The following SHC3 variants were observed in gnomAD, a reference collection of about 807,000 sequenced individuals.
SHC3 encodes SHC adaptor protein 3.
Under a neutral mutation model 60.4 loss-of-function variants are expected in SHC3, and 15 were observed. The ratio of observed to expected loss-of-function variants is 0.25; its 90% confidence interval spans 0.17 to 0.38. The LOEUF (loss-of-function observed/expected upper bound fraction) is 0.38, where lower values mean the gene tolerates loss of function less well. Among genes scored for constraint, SHC3 ranks in the 10% least tolerant of loss-of-function variants. SHC3 has a pLI of 1.00. For synonymous variants in SHC3, 294 were observed against 325.9 expected (o/e 0.90, Z 1.05); for missense variants, 677 against 786.1 (o/e 0.86, Z 1.66).
chr9:89,123,106 G>A (rs1826115646), intron 1 of SHC3, among the ~76,000 whole-genome samples: 1 of 152,144 alleles, frequency 6.6e-6, no homozygotes, highest in South Asian at 2.1e-4. Flanking sequence ...TATTGCACAT[G>A]CATGGGCTAT....
At chr9:89,045,179 C>G (rs1265049772) in intron 9 of SHC3, among the ~76,000 whole-genome samples, 1 of 151,852 alleles carries the variant, frequency 6.6e-6, no homozygotes, top group Admixed American at 6.6e-5. Flanking sequence ...TGTACAGTCT[C>G]AAGGGCATGA....
rs758200854 is a variant in SHC3, at chr9:89,013,401, G to C, written c.*46C>G. ...GCAGCCCCGATTCTAGTCCACTCCA[G>C]GTCCTCCTGACCTGGTGCGCAGTGC... On this transcript the variant is annotated 3_prime_UTR_variant, in exon 12 of 12. Transcript: ENST00000375835. The C allele has an allele frequency of 1.4e-6, 2 of 1,450,666 alleles. No individual in the cohort carries two copies. The highest frequency in any genetic ancestry group is 2.3e-5 in the Admixed American group (1 of 43,670). 89.9% of individuals were successfully genotyped at this position (1,450,666 alleles called of 1,614,324 possible). A position where few individuals can be genotyped will look rare whatever the true frequency, so the allele number is the denominator to read the frequency against.
intron 3 of SHC3, among the ~76,000 whole-genome samples, 182 bp downstream of exon 3, chr9:89,077,658 C>G (rs1825380277): frequency 6.6e-6 from 1 of 152,236 alleles, no homozygotes; most frequent in Non-Finnish European, 1.5e-5. Flanking sequence ...GAGACAGGGA[C>G]AGCTAACTGT....
At chr9:89,152,821 C>A (rs922273310) in intron 1 of SHC3, among the ~76,000 whole-genome samples, 1 of 152,136 alleles carries the variant, frequency 6.6e-6, no homozygotes, top group African/African-American at 2.4e-5. Context: ...CTAAATAATA[C>A]CTTGAATTGA....
intron 4 of SHC3, 40 bp from the exon 5 acceptor site, chr9:89,071,292 G>A (rs752686679): frequency 1.3e-5 from 21 of 1,607,246 alleles, no homozygotes; most frequent in Middle Eastern, 1.6e-4. Context: ...TGCTGTTATC[G>A]CCCTTTCCAC....
At chr9:89,117,213 A>G (rs1826030809) in intron 1 of SHC3, among the ~76,000 whole-genome samples, 6 of 152,178 alleles carry the variant, frequency 3.9e-5, no homozygotes, top group Admixed American at 2.0e-4. Flanking sequence ...ACCAGCACCA[A>G]CGTCGCAGAC....
intron 2 of SHC3, among the ~76,000 whole-genome samples, chr9:89,080,406 C>A (rs1369693955): frequency 6.6e-6 from 1 of 152,146 alleles, no homozygotes; most frequent in African/African-American, 2.4e-5. Context: ...CAGATGTGAA[C>A]CCTCATTGTC....
intron 2 of SHC3, among the ~76,000 whole-genome samples, chr9:89,082,001 C>T (rs1825451965): frequency 6.6e-6 from 1 of 151,870 alleles, no homozygotes; most frequent in African/African-American, 2.4e-5. Context: ...TTTGGCCAGG[C>T]TGGTAGTACC....
At chr9:89,156,622 TG>T (rs1319895861) in intron 1 of SHC3, among the ~76,000 whole-genome samples, 1 of 152,164 alleles carries the variant, frequency 6.6e-6, no homozygotes, top group African/African-American at 2.4e-5. Context: ...TTTGGTTCCC[TG>T]TAAAAACCAA....
At chr9:89,016,682 T>C (rs1193543236) in intron 11 of SHC3, among the ~76,000 whole-genome samples, 1 of 152,184 alleles carries the variant, frequency 6.6e-6, no homozygotes, top group Non-Finnish European at 1.5e-5. Context: ...AAGCCAGCAT[T>C]ACCTGAATAC....
At chr9:89,056,312 T>C in intron 6 of SHC3, among the ~76,000 whole-genome samples, 1 of 152,186 alleles carries the variant, frequency 6.6e-6, no homozygotes, top group Non-Finnish European at 1.5e-5. Flanking sequence ...AATGGCGCGA[T>C]CTTGGCTCAC....
chr9:89,035,889 G>A (rs4475581), intron 11 of SHC3, among the ~76,000 whole-genome samples: 117,044 of 141,940 alleles, frequency 0.82, 48,676 homozygotes, highest in East Asian at 0.99. Flanking sequence ...GTGTGTGTGT[G>A]TATTGGGTCT....
At chr9:89,048,755 C>T (rs969669039) in intron 7 of SHC3, among the ~76,000 whole-genome samples, 5 of 152,184 alleles carry the variant, frequency 3.3e-5, no homozygotes, top group African/African-American at 1.2e-4. Context: ...CAGCTGGATG[C>T]AGTGTGGGTT....
rs1826009130 is a variant in SHC3, at chr9:89,011,127, T to C, written c.*2320A>G. 1 of 152,208 alleles carries C rather than the reference T, an allele frequency of 6.6e-6. No individual in the cohort carries two copies. Among genetic ancestry groups the C allele is most frequent in the Non-Finnish European group, 1.5e-5 (1 of 68,032 alleles). The allele number at this position is 152,208 out of a possible 1,614,324, so 9.4% of individuals were successfully genotyped here. ...TGGCACTATTCTAGTGTAACCAATA[T>C]ATAATCTGAGCTTAAAAATGTATAT... On this transcript the variant is annotated 3_prime_UTR_variant, in exon 12 of 12. Coordinates refer to ENST00000375835, the MANE Select transcript of SHC3 (RefSeq NM_016848.6).
At chr9:89,097,092 G>A (rs1376813695) in intron 2 of SHC3, among the ~76,000 whole-genome samples, 1 of 116,070 alleles carries the variant, frequency 8.6e-6, no homozygotes, top group East Asian at 2.9e-4. Flanking sequence ...CGCCCAGAAG[G>A]TGCTCGCTCT....
At chr9:89,021,749 A>C (rs555692952) in intron 11 of SHC3, among the ~76,000 whole-genome samples, 1 of 152,288 alleles carries the variant, frequency 6.6e-6, no homozygotes, top group East Asian at 1.9e-4. Context: ...TGAGAGATGG[A>C]GGGCTACTTC....
chr9:89,024,446 G>A (rs904584093), intron 11 of SHC3, among the ~76,000 whole-genome samples: 5 of 152,058 alleles, frequency 3.3e-5, no homozygotes, highest in African/African-American at 9.7e-5. Flanking sequence ...CCCTGTGTGC[G>A]TTATTAAATA....
At chr9:89,069,502 C>T (rs1162590243) in intron 5 of SHC3, among the ~76,000 whole-genome samples, 2 of 152,212 alleles carry the variant, frequency 1.3e-5, no homozygotes, top group Non-Finnish European at 2.9e-5. Flanking sequence ...GAAAACAAGG[C>T]CCAAGCCACT....
intron 1 of SHC3, among the ~76,000 whole-genome samples, chr9:89,134,409 A>G (rs1198859886): frequency 1.3e-5 from 2 of 152,176 alleles, no homozygotes; most frequent in African/African-American, 2.4e-5. Flanking sequence ...ATAATAGTTG[A>G]ACACTAAAAT....
Sources: allele counts gnomAD v4.1 joint callset (sites outside exome capture counted in the v4.1 genomes callset), GRCh38; gene constraint gnomAD v4.1.1; transcripts MANE v1.5; gene names NCBI Gene and HGNC (gene_info 2026-07-23, HGNC 2026-07-21).